TMEM132D: variants seen among roughly 807,000 people sequenced by gnomAD.
TMEM132D encodes the protein transmembrane protein 132D.
In TMEM132D, 21 loss-of-function variants were observed where a neutral mutation model predicts 62.3. The observed-to-expected ratio is 0.34, with a 90% CI of 0.24 to 0.49. The LOEUF (loss-of-function observed/expected upper bound fraction) is 0.49. Ranked by LOEUF, TMEM132D falls within the 20% of genes least tolerant of loss-of-function variation. The pLI is 0.99. For synonymous variants in TMEM132D, 621 were observed against 575.6 expected, an observed-to-expected ratio of 1.08 and a Z score of -1.13; for missense variants, 1,346 against 1,402.8, an observed-to-expected ratio of 0.96 and a Z score of 0.65.
At chr12:129,166,897 C>T (rs1398190399) in intron 5 of TMEM132D, among the ~76,000 whole-genome samples, 2 of 152,094 alleles carry the variant, frequency 1.3e-5, no homozygotes, top group Non-Finnish European at 2.9e-5. Context: ...GGCGCAGTGG[C>T]TCACACTTGT....
chr12:129,429,796 C>T (rs1425384235), intron 3 of TMEM132D, among the ~76,000 whole-genome samples: 1 of 140,472 alleles, frequency 7.1e-6, no homozygotes, highest in East Asian at 2.2e-4. Context: ...CATGTGTTCT[C>T]ATTGTTCAAT....
chr12:129,104,055 T>A (rs1351915967), intron 5 of TMEM132D, among the ~76,000 whole-genome samples: 1 of 150,956 alleles, frequency 6.6e-6, no homozygotes, highest in Non-Finnish European at 1.5e-5. Context: ...AAAGTTCATA[T>A]GGAACCAAAA....
chr12:129,189,787 G>A (rs959388799), intron 5 of TMEM132D, among the ~76,000 whole-genome samples: 1 of 152,160 alleles, frequency 6.6e-6, no homozygotes, highest in Non-Finnish European at 1.5e-5. Context: ...GCAGAGTCAA[G>A]CTTGGCAAAG....
chr12:129,184,738 C>A (rs1337759996), intron 5 of TMEM132D, among the ~76,000 whole-genome samples: 3 of 152,196 alleles, frequency 2.0e-5, no homozygotes, highest in African/African-American at 7.2e-5. Context: ...GACCATTAAT[C>A]TAGTTGAGGT....
intron 3 of TMEM132D, among the ~76,000 whole-genome samples, chr12:129,495,344 C>T (rs1874919113): frequency 6.6e-6 from 1 of 152,178 alleles, no homozygotes; most frequent in Non-Finnish European, 1.5e-5. Context: ...CCTAGGCTGA[C>T]AATGGAGACC....
intron 3 of TMEM132D, among the ~76,000 whole-genome samples, chr12:129,527,413 T>C (rs1876080381): frequency 6.6e-6 from 1 of 152,132 alleles, no homozygotes; most frequent in Non-Finnish European, 1.5e-5. Context: ...ATTATGAAAA[T>C]AGATTAAATT....
intron 3 of TMEM132D, among the ~76,000 whole-genome samples, chr12:129,360,923 G>A (rs1174843979): frequency 1.3e-5 from 2 of 152,078 alleles, no homozygotes; most frequent in Admixed American, 6.5e-5. Context: ...CTCACTGCTG[G>A]GCTCTGAAAA....
chr12:129,198,691 T>C (rs577650620), intron 5 of TMEM132D, among the ~76,000 whole-genome samples: 1 of 152,136 alleles, frequency 6.6e-6, no homozygotes, highest in Non-Finnish European at 1.5e-5. Flanking sequence ...CCAGAAAGAA[T>C]AAGTTATTTT....
intron 1 of TMEM132D, among the ~76,000 whole-genome samples, chr12:129,727,470 A>C (rs1869078078): frequency 6.6e-6 from 1 of 152,238 alleles, no homozygotes; most frequent in African/African-American, 2.4e-5. Context: ...CACCTCTTAA[A>C]GGTCCCACCT....
intron 7 of TMEM132D, among the ~76,000 whole-genome samples, chr12:129,080,793 A>ATCTC (rs1874422565): frequency 6.6e-6 from 1 of 152,188 alleles, no homozygotes; most frequent in South Asian, 2.1e-4. Flanking sequence ...AAAGAAAACA[A>ATCTC]TCTCTTGCTT....
At chr12:129,295,452 C>T (rs1180137111) in intron 4 of TMEM132D, among the ~76,000 whole-genome samples, 1 of 122,310 alleles carries the variant, frequency 8.2e-6, no homozygotes, top group Non-Finnish European at 1.6e-5. Flanking sequence ...TTTTTTGAGA[C>T]AGTATCTCGT....
intron 2 of TMEM132D, among the ~76,000 whole-genome samples, chr12:129,674,818 C>T (rs1305947078): frequency 1.3e-5 from 2 of 152,162 alleles, no homozygotes; most frequent in Non-Finnish European, 2.9e-5. Flanking sequence ...GGATTACAGG[C>T]GTGAGCCACC....
At chr12:129,272,041 G>GTTCC (rs1880867127) in intron 4 of TMEM132D, among the ~76,000 whole-genome samples, 1 of 151,856 alleles carries the variant, frequency 6.6e-6, no homozygotes, top group Non-Finnish European at 1.5e-5. Context: ...GTGTAAAAGT[G>GTTCC]TTCCTATTTC....
intron 2 of TMEM132D, among the ~76,000 whole-genome samples, chr12:129,653,760 C>T (rs1879992124): frequency 6.6e-6 from 1 of 152,170 alleles, no homozygotes; most frequent in African/African-American, 2.4e-5. Context: ...CAGAATGTTC[C>T]CACACACGCC....
intron 3 of TMEM132D, among the ~76,000 whole-genome samples, chr12:129,365,055 T>C (rs908200038): frequency 2.6e-5 from 4 of 152,216 alleles, no homozygotes; most frequent in African/African-American, 4.8e-5. Context: ...AAAGAGATCA[T>C]GGCTAAAGAA....
intron 3 of TMEM132D, among the ~76,000 whole-genome samples, chr12:129,424,057 T>G (rs564222809): frequency 6.6e-6 from 1 of 152,308 alleles, no homozygotes; most frequent in South Asian, 2.1e-4. Context: ...CTATAAGTAC[T>G]ACATTTTTTG....
intron 2 of TMEM132D, among the ~76,000 whole-genome samples, chr12:129,616,369 G>A (rs1878917965): frequency 6.6e-6 from 1 of 152,078 alleles, no homozygotes; most frequent in Non-Finnish European, 1.5e-5. Flanking sequence ...ATGACTGAGG[G>A]GTCTTTGGCC....
chr12:129,854,838 C>G (rs1461143607), intron 1 of TMEM132D: 1 of 152,288 alleles, frequency 6.6e-6, no homozygotes, highest in African/African-American at 2.4e-5. Flanking sequence ...GCCGAGCCAT[C>G]TGGCTGGAGA....
chr12:129,620,347 C>T (rs1879032050), intron 2 of TMEM132D, among the ~76,000 whole-genome samples: 1 of 152,160 alleles, frequency 6.6e-6, no homozygotes, highest in Non-Finnish European at 1.5e-5. Flanking sequence ...GCCTGCAATC[C>T]CAGCACTTTG....
Sources: allele counts gnomAD v4.1 joint callset (sites outside exome capture counted in the v4.1 genomes callset), GRCh38; gene constraint gnomAD v4.1.1; transcripts MANE v1.5; gene names NCBI Gene and HGNC (gene_info 2026-07-23, HGNC 2026-07-21).